The following C3orf62 variants were observed in gnomAD, a reference collection of about 807,000 sequenced individuals.
C3orf62 encodes the protein chromosome 3 open reading frame 62, also known as uncharacterized protein C3orf62.
Under a neutral mutation model 21.7 loss-of-function variants are expected in C3orf62, and 16 were observed. The ratio of observed to expected loss-of-function variants is 0.74; its 90% CI spans 0.50 to 1.12. C3orf62 has a LOEUF of 1.12. C3orf62 is among the 50% of genes most tolerant of loss of function. The pLI is 0.00. For missense variants in C3orf62, 310 were observed against 318.8 expected (o/e 0.97, Z 0.21); for synonymous variants, 114 against 117.0 (o/e 0.97, Z 0.17).
At position 49,276,431 on chromosome 3, in the gene C3orf62, A is replaced by G. The variant is rs772657300; in HGVS notation, c.442T>C (p.Leu148=). 3 of 1,606,348 alleles carry G rather than the reference A, an allele frequency of 1.9e-6. No homozygotes were observed. The Admixed American group carries it at 5.1e-5, about 27-fold the overall frequency. ...AACCATCAAAATTAGAATCACCTTA[A>G]ATTTTCTTTTCTCCAGTTTTCCCCC... ...GEGENWRKEN[L]RKDMERDLKA... The change falls in exon 1 of 3, where the codon TTA becomes CTA. Residue 148 remains leucine, a synonymous_variant. Coordinates refer to ENST00000343010, the MANE Select transcript of C3orf62 (RefSeq NM_198562.3).
At chr3:49,276,373 C>G in intron 1 of C3orf62, 54 bp downstream of exon 1, 2 of 1,538,772 alleles carry the variant, frequency 1.3e-6, no homozygotes, top group Non-Finnish European at 1.8e-6. Context: ...ACAACTTTTT[C>G]AGAAACAAGA....
At chr3:49,271,508 G>T in intron 2 of C3orf62, 63 bp from the exon 3 acceptor site, 2 of 1,546,446 alleles carry the variant, frequency 1.3e-6, no homozygotes, top group Admixed American at 1.9e-5. Flanking sequence ...CATTTCAGGT[G>T]CAAGTTAAAA....
Position 49,270,068 on chromosome 3 carries a change from T to G in C3orf62, c.*1112A>C, listed in dbSNP as rs1227055301. The G allele has an allele frequency of 6.6e-6, 1 of 152,220 alleles. No individual in the cohort carries two copies. The highest frequency in any genetic ancestry group is 2.4e-5 in the African/African-American group (1 of 41,430). 9.4% of individuals were successfully genotyped at this position (152,220 alleles called of 1,614,324 possible). A position where few individuals can be genotyped will look rare whatever the true frequency, so the allele number is the denominator to read the frequency against. On this transcript the variant is annotated 3_prime_UTR_variant, in exon 3 of 3. Coordinates refer to ENST00000343010, the MANE Select transcript of C3orf62 (RefSeq NM_198562.3). ...TTATCTCAATCGACTACTCACAGTT[T>G]CAGATCTAACTCCTTGTTCTACTCC...
rs2046967433 is a variant in C3orf62 at position 49,276,949 on chromosome 3, G to A, written c.-77C>T. 1.3e-6 allele frequency: 2 copies of A among 1,536,984 alleles called. No homozygotes were observed. The highest frequency in any genetic ancestry group is 1.4e-5 in the African/African-American group (1 of 72,812). ...CCCTGAATGGCCACGATTTCCTGGA[G>A]CTTGGCCCTGGCTATAGCAGGACCC... On this transcript the variant is annotated 5_prime_UTR_variant, in exon 1 of 3. Transcript: ENST00000343010.
chr3:49,271,620 C>A (rs531564833), intron 2 of C3orf62, among the ~76,000 whole-genome samples, 175 bp from the exon 3 acceptor site: 3 of 152,268 alleles, frequency 2.0e-5, no homozygotes, highest in Admixed American at 6.5e-5. Context: ...GGGTTTGGTA[C>A]CTTCCTTTCA....
In C3orf62 at chr3:49,277,081, C is replaced by G. The variant is rs2046969740; in HGVS notation, c.-209G>C. On this transcript the variant is annotated 5_prime_UTR_variant, in exon 1 of 3. Coordinates refer to ENST00000343010, the MANE Select transcript of C3orf62 (RefSeq NM_198562.3). ...CGCCCCGCCCCACTTCCCACAGCTT[C>G]CTGGCCCGCCCCGCCGCTGCCTCCC... The G allele has an allele frequency of 6.7e-7, 1 of 1,490,264 alleles. No homozygotes were observed. The highest frequency in any genetic ancestry group is 8.9e-7 in the Non-Finnish European group (1 of 1,118,972). 92.3% of individuals were successfully genotyped at this position (1,490,264 alleles called of 1,614,324 possible).
Position 49,269,383 on chromosome 3 carries a change from G to A in C3orf62, c.*1797C>T, listed in dbSNP as rs913072135. ...AAGGACAGGAATTAAGCTCCACCTC[G>A]TCTATAGAAGAGTGTCCACATCCAC... On this transcript the variant is annotated 3_prime_UTR_variant, in exon 3 of 3. Coordinates refer to ENST00000343010, the MANE Select transcript of C3orf62 (RefSeq NM_198562.3). 3 of 152,200 alleles carry A rather than the reference G, an allele frequency of 2.0e-5. No homozygotes were observed. Among genetic ancestry groups the A allele is most frequent in the Admixed American group, 2.0e-4 (3 of 15,278 alleles). 9.4% of individuals were successfully genotyped at this position (152,200 alleles called of 1,614,324 possible). A position where few individuals can be genotyped will look rare whatever the true frequency, so the allele number is the denominator to read the frequency against.
Position 49,274,094 on chromosome 3 carries a change from T to G in C3orf62, c.493A>C (p.Asn165His), listed in dbSNP as rs1379294350. 1 of 1,614,052 alleles carries G rather than the reference T, an allele frequency of 6.2e-7. No individual in the cohort carries two copies. The highest frequency in any genetic ancestry group is 8.5e-7 in the Non-Finnish European group (1 of 1,179,994). ...TTTGTGACCTCTTGGCTAGAATTGT[T>G]GAGTGGCATGTTTGAGTCAGCCTTC... ...DLKADSNMPL[N>H]NSSQEVTKDL... The change falls in exon 2 of 3, where the codon AAC becomes CAC. Residue 165 changes from asparagine (N) to histidine (H), a missense_variant. Transcript: ENST00000343010.
intron 1 of C3orf62, 107 bp from the exon 2 acceptor site, chr3:49,274,247 C>G (rs1399586634): frequency 2.5e-6 from 2 of 789,594 alleles, no homozygotes; most frequent in African/African-American, 3.4e-5. Flanking sequence ...CAAAAACTTA[C>G]TGGTGACCTT....
intron 2 of C3orf62, among the ~76,000 whole-genome samples, chr3:49,273,533 G>A (rs1368062555): frequency 6.6e-6 from 1 of 152,078 alleles, no homozygotes; most frequent in Non-Finnish European, 1.5e-5. Context: ...GGGCTCAAGT[G>A]ATCCTTCCAC....
In C3orf62 at chr3:49,274,154, G is replaced by A. The variant is rs141350641; in HGVS notation, c.447-14C>T. The stretch of plus-strand genomic sequence containing the variant: ...TCCATATCTTTCCTGCAGCCCCCAG[G>A]TGGGGGGGAAGAAAAGGTGGGGAAT... On this transcript the variant is annotated splice_polypyrimidine_tract_variant and intron_variant, in intron 1 of 2. Coordinates refer to ENST00000343010, the MANE Select transcript of C3orf62 (RefSeq NM_198562.3). 1.3e-6 allele frequency: 2 copies of A among 1,596,700 alleles called. No homozygotes were observed. The highest frequency in any genetic ancestry group is 4.5e-5 in the East Asian group (2 of 44,810).
At position 49,277,070 on chromosome 3, in the gene C3orf62, T is replaced by C. The variant is rs2107759418; in HGVS notation, c.-198A>G. ...AGCCCCAAAGACGCCCCGCCCCACT[T>C]CCCACAGCTTCCTGGCCCGCCCCGC... On this transcript the variant is annotated 5_prime_UTR_variant, in exon 1 of 3. Coordinates refer to ENST00000343010, the MANE Select transcript of C3orf62 (RefSeq NM_198562.3). 9.4e-6 allele frequency: 14 copies of C among 1,484,868 alleles called. No individual in the cohort carries two copies. The highest frequency in any genetic ancestry group is 1.2e-5 in the Non-Finnish European group (13 of 1,117,704). The allele number at this position is 1,484,868 out of a possible 1,614,324, so 92.0% of individuals were successfully genotyped here. A position where few individuals can be genotyped will look rare whatever the true frequency, so the allele number is the denominator to read the frequency against.
intron 2 of C3orf62, among the ~76,000 whole-genome samples, chr3:49,273,360 G>A (rs2046927519): frequency 6.6e-6 from 1 of 152,130 alleles, no homozygotes; most frequent in South Asian, 2.1e-4. Context: ...GGAGGTTGAG[G>A]CTGCAGTGAA....
At position 49,276,954 on chromosome 3, in the gene C3orf62, G is replaced by T; in HGVS notation, c.-82C>A. 1 of 1,532,660 alleles carries T rather than the reference G, an allele frequency of 6.5e-7. No homozygotes were observed. Among genetic ancestry groups the T allele is most frequent in the Non-Finnish European group, 8.8e-7 (1 of 1,142,734 alleles). The allele number at this position is 1,532,660 out of a possible 1,614,324, so 94.9% of individuals were successfully genotyped here. A position where few individuals can be genotyped will look rare whatever the true frequency, so the allele number is the denominator to read the frequency against. ...AATGGCCACGATTTCCTGGAGCTTGGCCCTGGCTATAGCAGGACCCACAAC... is the reference window on the plus strand; with the variant it reads ...AATGGCCACGATTTCCTGGAGCTTGTCCCTGGCTATAGCAGGACCCACAAC... On this transcript the variant is annotated 5_prime_UTR_variant, in exon 1 of 3. Coordinates refer to ENST00000343010, the MANE Select transcript of C3orf62 (RefSeq NM_198562.3).
intron 1 of C3orf62, among the ~76,000 whole-genome samples, 195 bp downstream of exon 1, chr3:49,276,232 G>A (rs773408656): frequency 1.3e-5 from 2 of 151,970 alleles, no homozygotes; most frequent in Non-Finnish European, 2.9e-5. Context: ...CCCCTCAACT[G>A]GAACATATAC....
At chr3:49,274,870 T>A (rs1168301847) in intron 1 of C3orf62, among the ~76,000 whole-genome samples, 3 of 150,416 alleles carry the variant, frequency 2.0e-5, no homozygotes, top group East Asian at 2.0e-4. Context: ...CCCAGGCTGG[T>A]GTGCAAGGGC....
At chr3:49,272,853 C>T (rs913886262) in intron 2 of C3orf62, among the ~76,000 whole-genome samples, 1 of 151,898 alleles carries the variant, frequency 6.6e-6, no homozygotes, top group South Asian at 2.1e-4. Flanking sequence ...GTGCCCAGCC[C>T]TTTTCTCCTA....
rs772367719 is a variant in C3orf62 at position 49,271,293 on chromosome 3, C to T, written c.691G>A (p.Ala231Thr). Residue 231 changes from alanine (A) to threonine (T), a missense_variant, in exon 3 of 3, where the codon GCT becomes ACT. By Grantham distance (58) the Ala-to-Thr change is moderately conservative. Transcript: ENST00000343010. ...GCCTGTTTGAGGCTGCCAGGGTCAG[C>T]ATCTGTGGCCTTCTGAGGGCTCTTG... ...MDKSPQKATD[A>T]DPGSLKQAFD... The T allele has an allele frequency of 6.2e-7, 1 of 1,614,196 alleles. No homozygotes were observed. Among genetic ancestry groups the T allele is most frequent in the Non-Finnish European group, 8.5e-7 (1 of 1,180,044 alleles).
Position 49,276,596 on chromosome 3 carries a change from A to C in C3orf62, c.277T>G (p.Phe93Val), listed in dbSNP as rs765399300. The change falls in exon 1 of 3, where the codon TTT becomes GTT. Residue 93 changes from phenylalanine to valine, a missense_variant. By Grantham distance (50) the Phe-to-Val change is conservative (BLOSUM62 -1). Coordinates refer to ENST00000343010, the MANE Select transcript of C3orf62 (RefSeq NM_198562.3). ...TTTACCGGGGCATGGTTTGTTGCAA[A>C]GGCAGGGTTCTCATTCTCAGGAGCA... is the stretch of plus-strand genomic sequence containing the variant. ...PCAPENENPA[F>V]ATNHAPVNAK... 5 of 1,614,070 alleles carry C rather than the reference A, an allele frequency of 3.1e-6. No individual in the cohort carries two copies. The African/African-American group carries it at 6.7e-5, about 22-fold the overall frequency.
Sources: allele counts gnomAD v4.1 joint callset (sites outside exome capture counted in the v4.1 genomes callset), GRCh38; gene constraint gnomAD v4.1.1; transcripts MANE v1.5; gene names NCBI Gene and HGNC (gene_info 2026-07-23, HGNC 2026-07-21).